Variants in RSPH10B observed in about 807,000 individuals in gnomAD.
RSPH10B encodes radial spoke head 10 homolog B (Chlamydomonas).
RSPH10B carries 7 observed loss-of-function variants against 52.5 expected under a neutral mutation model. The ratio of observed to expected loss-of-function variants is 0.13; its 90% confidence interval spans 0.08 to 0.25. RSPH10B has a LOEUF of 0.25. Ranked by LOEUF, RSPH10B falls within the 10% of genes least tolerant of loss-of-function variation. The pLI is 1.00. For missense variants in RSPH10B, 89 were observed against 542.5 expected (o/e 0.16, Z 8.30); for synonymous variants, 28 against 193.2 (o/e 0.14, Z 7.09).
intron 13 of RSPH10B, among the ~76,000 whole-genome samples, chr7:5,939,998 C>T (rs1259463072): frequency 5.1e-5 from 6 of 117,258 alleles, no homozygotes; most frequent in African/African-American, 1.8e-4. Context: ...AGATCCAGAC[C>T]ATCCTGGCCA....
chr7:5,964,261 A>T (rs1243855226), intron 3 of RSPH10B, among the ~76,000 whole-genome samples: 1 of 150,744 alleles, frequency 6.6e-6, no homozygotes, highest in Non-Finnish European at 1.5e-5. Context: ...CAAGCTACAT[A>T]CATGTACGTG....
intron 18 of RSPH10B, among the ~76,000 whole-genome samples, chr7:5,927,099 T>TGTA (rs1491456473): frequency 7.7e-5 from 8 of 103,474 alleles, no homozygotes; most frequent in Middle Eastern, 4.5e-3. Flanking sequence ...TGTGTGTGTA[T>TGTA]TTTTTTTTTT....
intron 18 of RSPH10B, among the ~76,000 whole-genome samples, chr7:5,927,031 G>GTGTGTGTGTGTATATTA (rs1562552795): frequency 0.16 from 6,961 of 42,606 alleles, 17 homozygotes; most frequent in Admixed American, 0.28. Flanking sequence ...ACGTGTGTGT[G>GTGTGTGTGTGTATATTA]TGTGTGTGTG....
chr7:5,926,178 TGG>T (rs200746755), exon 19 of RSPH10B: 316,543 of 452,494 alleles, frequency 0.7, 98,551 homozygotes, highest in East Asian at 0.9. Context: ...TTTGCAGAGA[TGG>T]GGGGGTCTCA....
chr7:5,964,718 ATCC>A (rs1419897626), intron 2 of RSPH10B, 148 bp from the exon 5 acceptor site: 29 of 420,138 alleles, frequency 6.9e-5, no homozygotes, highest in Non-Finnish European at 1.3e-4. Context: ...GGCTCAAGCA[ATCC>A]TCCCACTTCA....
chr7:5,965,917 TTTTG>T lies in RSPH10B; in HGVS notation c.255-209_255-206del, dbSNP rs1372701793. ...GAGGAATGAAGGCGTTTCGGGGTTT[TTTTG>T]TTTGTTTTTTGGGGATTTTTTTTGA... On this transcript the variant is annotated intron_variant, in intron 1 of 18. Transcript: ENST00000337579. Among the ~76,000 whole-genome samples the T allele has an allele frequency of 5.0e-5, 6 of 119,146 alleles. 1 individual carries two copies. The highest frequency in any genetic ancestry group is 1.6e-4 in the African/African-American group (5 of 30,538). 78.2% of individuals were successfully genotyped at this position (119,146 alleles called of 152,430 possible). A position where few individuals can be genotyped will look rare whatever the true frequency, so the allele number is the denominator to read the frequency against.
intron 12 of RSPH10B, among the ~76,000 whole-genome samples, 158 bp from the exon 15 acceptor site, chr7:5,943,630 G>T (rs1408242077): frequency 5.4e-5 from 8 of 146,950 alleles, no homozygotes; most frequent in Non-Finnish European, 3.0e-5. Context: ...TGCAACCTCC[G>T]CCCCCCAGGC....
intron 11 of RSPH10B, among the ~76,000 whole-genome samples, 178 bp from the exon 14 acceptor site, chr7:5,944,168 G>T (rs1213707964): frequency 6.6e-6 from 1 of 151,132 alleles, no homozygotes; most frequent in African/African-American, 2.5e-5. Flanking sequence ...AGGCCAAGGT[G>T]GGCGGATCAC....
intron 13 of RSPH10B, among the ~76,000 whole-genome samples, chr7:5,939,803 A>T (rs1258842152): frequency 5.0e-5 from 3 of 60,448 alleles, no homozygotes; most frequent in African/African-American, 1.9e-4. Context: ...CGTGCTGCAC[A>T]ACAAAACCGA....
At chr7:5,965,955 C>CT (rs1391573381) in intron 1 of RSPH10B, among the ~76,000 whole-genome samples, 3 of 110,704 alleles carry the variant, frequency 2.7e-5, no homozygotes, top group South Asian at 3.2e-4. Flanking sequence ...GAGATGGAGT[C>CT]TCACTCTGTC....
intron 17 of RSPH10B, among the ~76,000 whole-genome samples, chr7:5,931,047 C>A (rs1278536225): frequency 8.7e-6 from 1 of 114,358 alleles, no homozygotes. Context: ...AGTTCTCTCA[C>A]CTCAGCCTCC....
chr7:5,929,293 C>T (rs1779694059), intron 17 of RSPH10B, among the ~76,000 whole-genome samples: 1 of 140,090 alleles, frequency 7.1e-6, no homozygotes, highest in Non-Finnish European at 1.5e-5. Flanking sequence ...GATCCTCCCA[C>T]CTCAGCCTCC....
chr7:5,927,001 C>T (rs1779465160), intron 18 of RSPH10B, among the ~76,000 whole-genome samples: 2 of 150,496 alleles, frequency 1.3e-5, no homozygotes, highest in Admixed American at 1.3e-4. Context: ...GTGATCCACC[C>T]ACCTCGGCCT....
In RSPH10B at chr7:5,944,770, C is replaced by T. The variant is rs1294307133; in HGVS notation, c.1529+294G>A. 2.9e-4 allele frequency among the ~76,000 whole-genome samples: 43 copies of T among 146,490 alleles called. 1 individual carries two copies. Among genetic ancestry groups the T allele is most frequent in the Non-Finnish European group, 5.2e-4 (35 of 66,932 alleles). ...GGTCAGGAGTTTGAAACCAGCCTGG[C>T]CAACATGGTGAAACCCCGTCTCTAC... On this transcript the variant is annotated intron_variant, in intron 11 of 18. Coordinates refer to ENST00000337579, the Ensembl canonical transcript of RSPH10B.
intron 13 of RSPH10B, among the ~76,000 whole-genome samples, chr7:5,940,279 T>C (rs1305551650): frequency 3.3e-5 from 1 of 30,252 alleles, no homozygotes; most frequent in Non-Finnish European, 7.8e-5. Context: ...AAATCACTCA[T>C]ACCGACCAGC....
intron 7 of RSPH10B, among the ~76,000 whole-genome samples, chr7:5,955,390 A>C (rs1428686551): frequency 1.9e-5 from 1 of 52,690 alleles, no homozygotes; most frequent in Non-Finnish European, 3.9e-5. Flanking sequence ...ACCACAATTA[A>C]AATTAAAAAG....
intron 7 of RSPH10B, among the ~76,000 whole-genome samples, chr7:5,955,114 G>A (rs1780707192): frequency 7.1e-6 from 1 of 140,166 alleles, no homozygotes; most frequent in Non-Finnish European, 1.5e-5. Flanking sequence ...GCAGCGAGCC[G>A]AGATCATGCC....
intron 6 of RSPH10B, among the ~76,000 whole-genome samples, chr7:5,956,898 G>A (rs1190510795): frequency 9.1e-5 from 9 of 99,406 alleles, no homozygotes; most frequent in Admixed American, 9.0e-4. Flanking sequence ...GTTGGGCTGG[G>A]TGCTGTGCCT....
chr7:5,928,506 C>T (rs1779642413), intron 17 of RSPH10B, 112 bp from the exon 20 acceptor site: 2 of 1,521,202 alleles, frequency 1.3e-6, no homozygotes, highest in South Asian at 1.1e-5. Flanking sequence ...TCTCCTCGGC[C>T]AGGAGAGGGG....
Sources: gnomAD v4.1 joint callset for allele counts (sites outside exome capture counted in the v4.1 genomes callset) on GRCh38, gnomAD v4.1.1 for gene constraint, MANE v1.5 for transcripts, NCBI Gene and HGNC (gene_info 2026-07-23, HGNC 2026-07-21) for gene names.